DMXL2: variants seen among roughly 807,000 people sequenced by gnomAD.
DMXL2 encodes Dmx like 2, also known as dmX-like protein 2.
DMXL2 carries 103 observed loss-of-function variants against 331.1 expected under a neutral mutation model. That is an observed-to-expected ratio of 0.31 (90% CI 0.27 to 0.37). The LOEUF is 0.37. Among genes scored for constraint, DMXL2 ranks in the 10% least tolerant of loss-of-function variants. The pLI is 1.00. For missense variants in DMXL2, 3,171 were observed against 3,642.9 expected (o/e 0.87, Z 3.33); for synonymous variants, 1,281 against 1,252.1 (o/e 1.02, Z -0.49).
intron 29 of DMXL2, among the ~76,000 whole-genome samples, chr15:51,466,717 A>G (rs946948660): frequency 2.0e-5 from 3 of 152,022 alleles, no homozygotes; most frequent in African/African-American, 7.2e-5. Context: ...TATGAAGGGA[A>G]GGACTGAAAT....
At chr15:51,575,943 C>A in intron 2 of DMXL2, 113 bp downstream of exon 2, 1 of 1,090,798 alleles carries the variant, frequency 9.2e-7, no homozygotes, top group Non-Finnish European at 1.3e-6. Flanking sequence ...CTAATAATCA[C>A]CCAAGCAATA....
At chr15:51,529,690 G>A (rs546774115) in intron 13 of DMXL2, among the ~76,000 whole-genome samples, 5 of 151,988 alleles carry the variant, frequency 3.3e-5, no homozygotes, top group South Asian at 2.1e-4. Flanking sequence ...AAAAAGGAAC[G>A]AATACCAATC....
intron 1 of DMXL2, among the ~76,000 whole-genome samples, chr15:51,610,904 A>T (rs1595750000): frequency 6.6e-6 from 1 of 152,336 alleles, no homozygotes; most frequent in East Asian, 1.9e-4. Context: ...TAACTTTAAA[A>T]GTCTCATATA....
chr15:51,455,808 C>A (rs191244342), intron 39 of DMXL2, among the ~76,000 whole-genome samples: 1 of 152,266 alleles, frequency 6.6e-6, no homozygotes, highest in African/African-American at 2.4e-5. Flanking sequence ...CAGGAATCAC[C>A]AACACACTCA....
At chr15:51,558,652 T>G (rs1192706122) in intron 6 of DMXL2, among the ~76,000 whole-genome samples, 3 of 152,218 alleles carry the variant, frequency 2.0e-5, no homozygotes, top group Non-Finnish European at 4.4e-5. Context: ...ACTACCTCTG[T>G]GCCAACTAAC....
chr15:51,512,816 G>GA (rs201329133), intron 15 of DMXL2, among the ~76,000 whole-genome samples: 182 of 129,412 alleles, frequency 1.4e-3, no homozygotes, highest in East Asian at 2.9e-3. Flanking sequence ...CTCTGTCTCG[G>GA]AAAAAAAAAA....
intron 1 of DMXL2, among the ~76,000 whole-genome samples, chr15:51,621,020 G>A (rs1015310319): frequency 3.9e-5 from 6 of 152,158 alleles, no homozygotes; most frequent in African/African-American, 1.4e-4. Context: ...CTTGATGAAA[G>A]AGGCCCACTC....
intron 16 of DMXL2, among the ~76,000 whole-genome samples, chr15:51,504,674 C>G (rs1279495659): frequency 1.3e-5 from 2 of 152,122 alleles, no homozygotes; most frequent in Non-Finnish European, 2.9e-5. Flanking sequence ...TGGCAGGCCA[C>G]TAAGTAAGAA....
intron 41 of DMXL2, among the ~76,000 whole-genome samples, chr15:51,452,320 A>C (rs934060963): frequency 1.3e-5 from 2 of 152,350 alleles, no homozygotes; most frequent in East Asian, 3.9e-4. Context: ...CTGCACAGCA[A>C]GAGTAAAAAG....
chr15:51,473,054 A>T (rs1396369600), intron 28 of DMXL2, among the ~76,000 whole-genome samples: 1 of 152,148 alleles, frequency 6.6e-6, no homozygotes, highest in Non-Finnish European at 1.5e-5. Context: ...GCCAAACTCA[A>T]TTCTACCTCA....
chr15:51,530,017 A>T (rs10162902), intron 13 of DMXL2, among the ~76,000 whole-genome samples: 2,888 of 152,260 alleles, frequency 0.019, 92 homozygotes, highest in African/African-American at 0.065. Context: ...AAAATTTTTT[A>T]GCATCAATTA....
chr15:51,621,846 A>C (rs533950839), intron 1 of DMXL2, among the ~76,000 whole-genome samples: 291 of 152,150 alleles, frequency 1.9e-3, no homozygotes, highest in African/African-American at 6.7e-3. Context: ...CTGTGACTCT[A>C]ACCTTTCCAT....
intron 27 of DMXL2, 36 bp from the exon 28 acceptor site, chr15:51,474,628 G>T: frequency 1.3e-6 from 2 of 1,524,640 alleles, no homozygotes; most frequent in South Asian, 2.6e-5. Flanking sequence ...ACGTATGTCA[G>T]GATGAAGCAC....
chr15:51,526,174 G>T (rs368197044), intron 13 of DMXL2, among the ~76,000 whole-genome samples: 3 of 125,088 alleles, frequency 2.4e-5, no homozygotes, highest in East Asian at 6.0e-4. Flanking sequence ...GAGAAAGAAG[G>T]GGGGTGGGTG....
rs970059719 is a variant in DMXL2, at chr15:51,511,788, C to G, written c.2644+2654G>C. On this transcript the variant is annotated intron_variant, in intron 15 of 43. Coordinates refer to ENST00000560891, the MANE Select transcript of DMXL2 (RefSeq NM_001378457.1). Reference sequence around the variant, plus strand: ...CACAATAGCAAAGACTTGGAACCAACCCAAATGCCCATCAATGATAGACTG... The same window carrying G: ...CACAATAGCAAAGACTTGGAACCAAGCCAAATGCCCATCAATGATAGACTG... 2.6e-5 allele frequency among the ~76,000 whole-genome samples: 4 copies of G among 152,170 alleles called. No homozygotes were observed. In the South Asian group the frequency reaches 8.3e-4, roughly 31 times the overall value.
intron 1 of DMXL2, among the ~76,000 whole-genome samples, chr15:51,606,196 GTA>G (rs917287604): frequency 2.0e-5 from 3 of 152,184 alleles, no homozygotes; most frequent in African/African-American, 7.2e-5. Flanking sequence ...TAGAGATTTT[GTA>G]TGTGTGTGTG....
intron 13 of DMXL2, among the ~76,000 whole-genome samples, chr15:51,519,506 A>G (rs1174111111): frequency 6.6e-6 from 1 of 152,124 alleles, no homozygotes; most frequent in Non-Finnish European, 1.5e-5. Context: ...TATTACTTTA[A>G]GTTTAAATTT....
chr15:51,614,984 G>C (rs2054201886), intron 1 of DMXL2, among the ~76,000 whole-genome samples: 1 of 152,222 alleles, frequency 6.6e-6, no homozygotes, highest in Non-Finnish European at 1.5e-5. Flanking sequence ...CACCAAGGTG[G>C]CAGCAGTAGA....
At chr15:51,472,692 A>C (rs1021527427) in intron 28 of DMXL2, among the ~76,000 whole-genome samples, 3 of 152,218 alleles carry the variant, frequency 2.0e-5, no homozygotes, top group Non-Finnish European at 4.4e-5. Context: ...TATAGTATGC[A>C]TTAGTACTTC....
Sources: gnomAD v4.1 joint callset for allele counts (sites outside exome capture counted in the v4.1 genomes callset) on GRCh38, gnomAD v4.1.1 for gene constraint, MANE v1.5 for transcripts, NCBI Gene and HGNC (gene_info 2026-07-23, HGNC 2026-07-21) for gene names.